The following TTC16 variants were observed in gnomAD, a reference collection of about 807,000 sequenced individuals.
The protein encoded by TTC16 is tetratricopeptide repeat domain 16, also known as tetratricopeptide repeat protein 16.
TTC16 carries 66 observed loss-of-function variants against 80.4 expected under a neutral mutation model. That is an observed-to-expected ratio of 0.82 (90% CI 0.67 to 1.01). TTC16 has a LOEUF of 1.01. Ranked by LOEUF, TTC16 falls within the 50% of genes least tolerant of loss-of-function variation. The probability of loss-of-function intolerance (pLI) is 0.00; values close to 1 mark genes in which losing one functional copy is unlikely to be tolerated. For synonymous variants in TTC16, 438 were observed against 451.3 expected (o/e 0.97, Z 0.37); for missense variants, 1,070 against 1,103.2 (o/e 0.97, Z 0.43).
chr9:127,728,662 G>GT (rs1270693806), intron 12 of TTC16: 1 of 152,342 alleles, frequency 6.6e-6, no homozygotes, highest in African/African-American at 2.4e-5. Flanking sequence ...AGGCATGGTG[G>GT]TGTATACCTA....
At position 127,723,141 on chromosome 9, in the gene TTC16, T is replaced by C. The variant is rs766229501; in HGVS notation, c.680T>C (p.Leu227Pro). 2 of 1,612,254 alleles carry C rather than the reference T, an allele frequency of 1.2e-6. No homozygotes were observed. Among genetic ancestry groups the C allele is most frequent in the Non-Finnish European group, 1.7e-6 (2 of 1,179,980 alleles). The stretch of plus-strand genomic sequence containing the variant: ...CAGCCCCACCTCTGCTACCGGGACC[T>C]GCACAGCGCCTTGCTGTTGAATCCC... ...LQKPHLCYRD[L>P]HSALLLNPKH... The change falls in exon 7 of 14, where the codon CTG becomes CCG. Residue 227 changes from leucine (L) to proline (P), a missense_variant. Transcript: ENST00000373289.
chr9:127,729,846 G>A, intron 13 of TTC16, 178 bp downstream of exon 13: 1 of 604,166 alleles, frequency 1.7e-6, no homozygotes. Flanking sequence ...CCCAGGACGA[G>A]GTGAGGCTTG....
chr9:127,723,992 G>A, intron 7 of TTC16, 128 bp from the exon 8 acceptor site: 1 of 1,290,316 alleles, frequency 7.8e-7, no homozygotes, highest in South Asian at 1.6e-5. Flanking sequence ...CAAATGAGGT[G>A]GGATCCCCAC....
chr9:127,723,003 A>G (rs1009832426), intron 6 of TTC16, 116 bp from the exon 7 acceptor site: 2 of 899,964 alleles, frequency 2.2e-6, no homozygotes, highest in Admixed American at 2.4e-5. Flanking sequence ...TGGAACATGG[A>G]GGGATGTGAG....
Position 127,726,326 on chromosome 9 carries a change from C to G in TTC16, c.1347C>G (p.Ser449Arg). ...KAQYYLYRAK[S>R]RQLLQNIFGA... ...AGTACTACCTGTACCGGGCCAAGAGCCGGCAGCTGCTGCAGAACATTTTTG... is the reference window on the plus strand; with the variant it reads ...AGTACTACCTGTACCGGGCCAAGAGGCGGCAGCTGCTGCAGAACATTTTTG... Residue 449 changes from serine to arginine, a missense_variant, in exon 10 of 14, where the codon AGC becomes AGG. Transcript: ENST00000373289. 6.2e-7 allele frequency: 1 copy of G among 1,612,326 alleles called. No individual in the cohort carries two copies. Among genetic ancestry groups the G allele is most frequent in the Non-Finnish European group, 8.5e-7 (1 of 1,179,430 alleles).
At chr9:127,716,808 G>C in intron 1 of TTC16, 36 bp from the exon 2 acceptor site, 1 of 1,582,968 alleles carries the variant, frequency 6.3e-7, no homozygotes, top group Non-Finnish European at 8.6e-7. Context: ...GGGTCGTCTC[G>C]GGGGCCTGCT....
rs775095813 is a variant in TTC16, at chr9:127,727,478, C to T, written c.1764+13C>T. 8 of 1,554,906 alleles carry T rather than the reference C, an allele frequency of 5.1e-6. No individual in the cohort carries two copies. In the African/African-American group the frequency reaches 8.2e-5, roughly 16 times the overall value. ...GGAGAAAAAAGAGGTAAGTGGAGTA[C>T]AGGCCAGGGCTCGGAGCCCTTGGGG... On this transcript the variant is annotated intron_variant, in intron 12 of 13. Coordinates refer to ENST00000373289, the MANE Select transcript of TTC16 (RefSeq NM_144965.3).
At position 127,731,589 on chromosome 9, in the gene TTC16, G is replaced by A. The variant is rs917715126; in HGVS notation, c.*184G>A. ...ACAAAATTAAAAACATCTAAAACCA[G>A]GCCCAAGTGGCAGCTTGAGTCCCTC... On this transcript the variant is annotated 3_prime_UTR_variant, in exon 14 of 14. Transcript: ENST00000373289. 36 of 1,331,498 alleles carry A rather than the reference G, an allele frequency of 2.7e-5. No homozygotes were observed. In the Admixed American group the frequency reaches 1.0e-3, roughly 38 times the overall value. 82.5% of individuals were successfully genotyped at this position (1,331,498 alleles called of 1,614,324 possible).
intron 2 of TTC16, 57 bp from the exon 3 acceptor site, chr9:127,717,277 C>T: frequency 1.3e-6 from 2 of 1,554,306 alleles, no homozygotes; most frequent in Non-Finnish European, 1.8e-6. Context: ...CAGCCCTATG[C>T]CCTGGGCTGG....
chr9:127,720,009 C>T, intron 4 of TTC16, 69 bp from the exon 5 acceptor site: 1 of 1,418,126 alleles, frequency 7.1e-7, no homozygotes, highest in Non-Finnish European at 1.0e-6. Context: ...TCAGGGCTTT[C>T]TGCTGCCAAC....
At chr9:127,724,034 C>A in intron 7 of TTC16, 86 bp from the exon 8 acceptor site, 3 of 1,448,558 alleles carry the variant, frequency 2.1e-6, no homozygotes, top group South Asian at 1.5e-5. Flanking sequence ...CCAGAGCCGG[C>A]AGTGGCTTGT....
intron 12 of TTC16, chr9:127,728,446 T>G (rs1287299911): frequency 6.6e-6 from 1 of 152,210 alleles, no homozygotes; most frequent in Non-Finnish European, 1.5e-5. Context: ...TACACTAATG[T>G]TCAAAGGAAA....
Position 127,724,786 on chromosome 9 carries a change from T to G in TTC16, c.1148T>G (p.Phe383Cys). 1 of 1,610,764 alleles carries G rather than the reference T, an allele frequency of 6.2e-7. No individual in the cohort carries two copies. Among genetic ancestry groups the G allele is most frequent in the South Asian group, 1.1e-5 (1 of 90,680 alleles). The change falls in exon 9 of 14, where the codon TTT (phenylalanine) becomes TGT (cysteine). Residue 383 changes from phenylalanine (F) to cysteine (C), a missense_variant. By Grantham distance (205) the Phe-to-Cys change is radical. Coordinates refer to ENST00000373289, the MANE Select transcript of TTC16 (RefSeq NM_144965.3). ...TTCTTCCAGCTGGGCAACCTGGCCT[T>G]TGCCGAGGCGGACTACCAGCAGGCG... ...DCFFQLGNLA[F>C]AEADYQQALA...
chr9:127,722,982 A>T lies in TTC16; in HGVS notation c.658-137A>T, dbSNP rs1843620111. 2 of 803,098 alleles carry T rather than the reference A, an allele frequency of 2.5e-6. No homozygotes were observed. Among genetic ancestry groups the T allele is most frequent in the Non-Finnish European group, 3.8e-6 (2 of 522,220 alleles). 49.7% of individuals were successfully genotyped at this position (803,098 alleles called of 1,614,324 possible). A position where few individuals can be genotyped will look rare whatever the true frequency, so the allele number is the denominator to read the frequency against. On this transcript the variant is annotated intron_variant, in intron 6 of 13. Transcript: ENST00000373289. The surrounding 1 kb of genome is among the most constrained non-coding windows in gnomAD (Gnocchi z 4.2). ...GAATCCATCTCAAAAAAAAAAAAAA[A>T]GCAGAAAGGGTGGAACATGGAGGGA...
At chr9:127,726,190 C>G in intron 9 of TTC16, 49 bp from the exon 10 acceptor site, 1 of 1,479,856 alleles carries the variant, frequency 6.8e-7, no homozygotes, top group Non-Finnish European at 9.0e-7. Flanking sequence ...ACCATTTTCC[C>G]CACAGATGGC....
chr9:127,729,442 C>G (rs1844212472), intron 12 of TTC16, 139 bp from the exon 13 acceptor site: 1 of 668,694 alleles, frequency 1.5e-6, no homozygotes, highest in East Asian at 2.7e-5. Context: ...GTGTCCCCAC[C>G]CCACTCTAAC....
At chr9:127,720,040 G>A (rs748871240) in intron 4 of TTC16, 38 bp from the exon 5 acceptor site, 8 of 1,593,978 alleles carry the variant, frequency 5.0e-6, no homozygotes, top group Non-Finnish European at 6.9e-6. Flanking sequence ...AGCTGGGCTG[G>A]GGTGGCAAGC....
At position 127,720,022 on chromosome 9, in the gene TTC16, G is replaced by C; in HGVS notation, c.427-56G>C. ...CCTCAGGGCTTTCTGCTGCCAACTG[G>C]GGGGTGCAGCTGGGCTGGGGTGGCA... On this transcript the variant is annotated intron_variant, in intron 4 of 13. Coordinates refer to ENST00000373289, the MANE Select transcript of TTC16 (RefSeq NM_144965.3). The C allele has an allele frequency of 1.4e-5, 21 of 1,512,236 alleles. No homozygotes were observed. In the South Asian group the frequency reaches 2.2e-4, roughly 16 times the overall value. 93.7% of individuals were successfully genotyped at this position (1,512,236 alleles called of 1,614,324 possible). A position where few individuals can be genotyped will look rare whatever the true frequency, so the allele number is the denominator to read the frequency against.
chr9:127,716,778 G>A, intron 1 of TTC16, 66 bp from the exon 2 acceptor site: 2 of 1,548,076 alleles, frequency 1.3e-6, no homozygotes, highest in Non-Finnish European at 1.7e-6. Flanking sequence ...CAGAATGCTG[G>A]GGAGTGTGTC....
Sources: allele counts gnomAD v4.1 joint callset, GRCh38; gene constraint gnomAD v4.1.1; non-coding constraint Gnocchi (gnomAD v3.1); transcripts MANE v1.5; gene names NCBI Gene and HGNC (gene_info 2026-07-23, HGNC 2026-07-21).